SEMA5B: variants seen among roughly 807,000 people sequenced by gnomAD.
SEMA5B encodes semaphorin 5B.
Under a neutral mutation model 135.0 loss-of-function variants are expected in SEMA5B, and 66 were observed. The ratio of observed to expected loss-of-function variants is 0.49; its 90% CI spans 0.40 to 0.60. The LOEUF is 0.60. SEMA5B is among the 20% of genes least tolerant of loss of function. SEMA5B has a pLI of 0.00. For synonymous variants in SEMA5B, 690 were observed against 639.5 expected (o/e 1.08, Z -1.19); for missense variants, 1,501 against 1,566.3 (o/e 0.96, Z 0.70).
chr3:122,999,176 A>C (rs945156044), intron 1 of SEMA5B, among the ~76,000 whole-genome samples: 1 of 152,184 alleles, frequency 6.6e-6, no homozygotes, highest in African/African-American at 2.4e-5. Flanking sequence ...AGTAATTTAG[A>C]ATTGAGGCAT....
chr3:122,962,767 G>A (rs1376156308), intron 1 of SEMA5B, among the ~76,000 whole-genome samples: 2 of 152,200 alleles, frequency 1.3e-5, no homozygotes, highest in African/African-American at 2.4e-5. Flanking sequence ...TGGTGTCAGA[G>A]GGAGACAGAA....
intron 1 of SEMA5B, among the ~76,000 whole-genome samples, chr3:123,003,129 C>T (rs954571022): frequency 2.0e-5 from 3 of 151,882 alleles, no homozygotes; most frequent in African/African-American, 7.3e-5. Context: ...AGTAAGTGCA[C>T]GGCACTGCAA....
intron 3 of SEMA5B, among the ~76,000 whole-genome samples, chr3:122,944,686 A>T (rs1165251226): frequency 7.6e-6 from 1 of 130,904 alleles, no homozygotes; most frequent in African/African-American, 2.6e-5. Context: ...AGGAGACCTC[A>T]CGGCCTCTGG....
At chr3:123,018,192 G>A (rs997499666) in intron 1 of SEMA5B, among the ~76,000 whole-genome samples, 5 of 152,218 alleles carry the variant, frequency 3.3e-5, no homozygotes, top group Non-Finnish European at 5.9e-5. Flanking sequence ...CAAAAACCAG[G>A]CAGCAGAACT....
Position 122,939,557 on chromosome 3 carries a change from A to C in SEMA5B, c.429-87T>G, listed in dbSNP as rs1939459841. Reference sequence around the variant, plus strand: ...AGCCTCCTGGCTTGGGCCTCCTGGGACGCCAGGACTGGGTGCTGATTGCCT... The same window carrying C: ...AGCCTCCTGGCTTGGGCCTCCTGGGCCGCCAGGACTGGGTGCTGATTGCCT... On this transcript the variant is annotated intron_variant, in intron 4 of 22. Coordinates refer to ENST00000357599, the MANE Select transcript of SEMA5B (RefSeq NM_001031702.4). The C allele has an allele frequency of 5.0e-6, 5 of 993,686 alleles. No individual in the cohort carries two copies. In the Admixed American group the frequency reaches 6.9e-5, roughly 14 times the overall value. The allele number at this position is 993,686 out of a possible 1,614,324, so 61.6% of individuals were successfully genotyped here. A position where few individuals can be genotyped will look rare whatever the true frequency, so the allele number is the denominator to read the frequency against.
At chr3:123,006,554 C>T (rs1195592774) in intron 1 of SEMA5B, among the ~76,000 whole-genome samples, 2 of 152,186 alleles carry the variant, frequency 1.3e-5, no homozygotes, top group African/African-American at 4.8e-5. Context: ...GCTGGTGCTG[C>T]CCTGAGTGCT....
intron 1 of SEMA5B, among the ~76,000 whole-genome samples, chr3:123,010,332 T>G (rs1382333965): frequency 2.0e-5 from 3 of 152,238 alleles, no homozygotes; most frequent in African/African-American, 7.2e-5. Flanking sequence ...GAGAATTTCT[T>G]CACCTCTAAA....
chr3:122,963,132 G>A (rs948780762), intron 1 of SEMA5B, among the ~76,000 whole-genome samples: 1 of 152,196 alleles, frequency 6.6e-6, no homozygotes, highest in Non-Finnish European at 1.5e-5. Context: ...TTACCTAGCA[G>A]GTCATTTCTG....
intron 1 of SEMA5B, among the ~76,000 whole-genome samples, chr3:122,986,134 GA>G (rs1364663224): frequency 6.6e-6 from 1 of 152,180 alleles, no homozygotes; most frequent in Non-Finnish European, 1.5e-5. Flanking sequence ...ACCAAGTCCA[GA>G]AAGCATAATA....
At position 122,910,048 on chromosome 3, in the gene SEMA5B, T is replaced by G; in HGVS notation, c.*95A>C. On this transcript the variant is annotated 3_prime_UTR_variant, in exon 23 of 23. Transcript: ENST00000357599. ...GCAAGGCAGCAAGTTCTTGGCCTAGTGCAGAGGGAGAAAACCAAACTGGCT... is the reference window on the plus strand; with the variant it reads ...GCAAGGCAGCAAGTTCTTGGCCTAGGGCAGAGGGAGAAAACCAAACTGGCT... The G allele has an allele frequency of 7.4e-7, 1 of 1,358,070 alleles. No individual in the cohort carries two copies. Among genetic ancestry groups the G allele is most frequent in the Non-Finnish European group, 1.0e-6 (1 of 990,260 alleles). The allele number at this position is 1,358,070 out of a possible 1,614,324, so 84.1% of individuals were successfully genotyped here. A position where few individuals can be genotyped will look rare whatever the true frequency, so the allele number is the denominator to read the frequency against.
intron 9 of SEMA5B, among the ~76,000 whole-genome samples, chr3:122,925,246 G>C (rs1473488410): frequency 6.6e-6 from 1 of 151,958 alleles, no homozygotes; most frequent in Non-Finnish European, 1.5e-5. Flanking sequence ...CCTTGGTCTC[G>C]GTGCCCACCC....
chr3:122,946,048 C>T (rs566166339), intron 3 of SEMA5B, among the ~76,000 whole-genome samples: 15 of 152,292 alleles, frequency 9.8e-5, no homozygotes, highest in Admixed American at 2.0e-4. Context: ...ACACCAAGCA[C>T]GTTCCGAGCT....
intron 5 of SEMA5B, among the ~76,000 whole-genome samples, chr3:122,929,906 ACT>A (rs1300898192): frequency 1.3e-5 from 2 of 151,766 alleles, no homozygotes; most frequent in African/African-American, 4.8e-5. Flanking sequence ...TTCTGCCTCT[ACT>A]CTCTCTGAAC....
At chr3:122,944,553 T>C (rs1211387716) in intron 3 of SEMA5B, among the ~76,000 whole-genome samples, 2 of 152,176 alleles carry the variant, frequency 1.3e-5, no homozygotes, top group African/African-American at 4.8e-5. Flanking sequence ...ATGAGGGGAA[T>C]TGGATTTTCA....
chr3:122,954,386 G>A (rs1047586312), intron 2 of SEMA5B, among the ~76,000 whole-genome samples: 2 of 152,208 alleles, frequency 1.3e-5, no homozygotes, highest in African/African-American at 2.4e-5. Context: ...CCAGACCCTT[G>A]TAATAAAATT....
chr3:122,921,842 C>T (rs1938359953), intron 12 of SEMA5B, 73 bp downstream of exon 12: 15 of 1,334,276 alleles, frequency 1.1e-5, no homozygotes, highest in Non-Finnish European at 1.4e-5. Flanking sequence ...CCAGGTCTCC[C>T]GGGTCCAAAG....
Position 122,910,128 on chromosome 3 carries a change from C to A in SEMA5B, c.*15G>T, listed in dbSNP as rs1937615481. 1.2e-6 allele frequency: 2 copies of A among 1,612,292 alleles called. No individual in the cohort carries two copies. Among genetic ancestry groups the A allele is most frequent in the African/African-American group, 2.7e-5 (2 of 74,922 alleles). The stretch of plus-strand genomic sequence containing the variant: ...CTTATGAAGGCAAGAAGCCCAAGTC[C>A]CCAGGACGGCGGTATCAGCTGTTGG... On this transcript the variant is annotated 3_prime_UTR_variant, in exon 23 of 23. Transcript: ENST00000357599.
chr3:123,003,987 T>C (rs1942245864), intron 1 of SEMA5B, among the ~76,000 whole-genome samples: 1 of 152,186 alleles, frequency 6.6e-6, no homozygotes, highest in Non-Finnish European at 1.5e-5. Context: ...AGGAAGAACT[T>C]TCTTAGAAAT....
chr3:122,979,629 A>G (rs911109870), intron 1 of SEMA5B, among the ~76,000 whole-genome samples: 3 of 152,200 alleles, frequency 2.0e-5, no homozygotes, highest in African/African-American at 7.2e-5. Context: ...TCCCCCCATC[A>G]CTTTTTCCTT....
Sources: allele counts gnomAD v4.1 joint callset (sites outside exome capture counted in the v4.1 genomes callset), GRCh38; gene constraint gnomAD v4.1.1; transcripts MANE v1.5; gene names NCBI Gene and HGNC (gene_info 2026-07-23, HGNC 2026-07-21).